The following DACH1 variants were observed in gnomAD, a reference collection of about 807,000 sequenced individuals.
DACH1 encodes the protein dachshund family transcription factor 1.
A neutral mutation model predicts 54.2 loss-of-function variants in DACH1; 12 were observed. The ratio of observed to expected loss-of-function variants is 0.22; its 90% confidence interval spans 0.14 to 0.36. The LOEUF (loss-of-function observed/expected upper bound fraction) is 0.36. DACH1 is among the 10% of genes least tolerant of loss of function. DACH1 has a pLI of 1.00. For missense variants in DACH1, 805 were observed against 929.8 expected (o/e 0.87, Z 1.75); for synonymous variants, 386 against 366.2 (o/e 1.05, Z -0.62).
chr13:71,573,074 C>G, intron 3 of DACH1, 62 bp from the exon 4 acceptor site: 12 of 1,495,086 alleles, frequency 8.0e-6, no homozygotes, highest in Non-Finnish European at 9.0e-6. Context: ...AAAATTGAAA[C>G]AGTCAAAAGT....
chr13:71,779,180 C>CAT (rs1318576879), intron 1 of DACH1, among the ~76,000 whole-genome samples: 1 of 127,706 alleles, frequency 7.8e-6, no homozygotes, highest in South Asian at 2.4e-4. Flanking sequence ...TATATATACA[C>CAT]ATATATACGT....
chr13:71,824,497 C>T (rs891059651), intron 1 of DACH1, among the ~76,000 whole-genome samples: 1 of 151,892 alleles, frequency 6.6e-6, no homozygotes, highest in African/African-American at 2.4e-5. Flanking sequence ...GAGTAATAAT[C>T]ACCCAGCACA....
chr13:71,618,102 G>A (rs754373198), intron 3 of DACH1, among the ~76,000 whole-genome samples: 7 of 152,004 alleles, frequency 4.6e-5, no homozygotes, highest in African/African-American at 7.2e-5. Flanking sequence ...GTTTGGAAGG[G>A]CAAGGAGGAA....
intron 3 of DACH1, among the ~76,000 whole-genome samples, chr13:71,602,801 T>G (rs921510951): frequency 1.3e-5 from 2 of 151,958 alleles, no homozygotes; most frequent in Non-Finnish European, 2.9e-5. Context: ...GGTAGTGATT[T>G]CTAATTAATA....
At chr13:71,481,264 T>C (rs1878006779) in intron 7 of DACH1, among the ~76,000 whole-genome samples, 1 of 152,228 alleles carries the variant, frequency 6.6e-6, no homozygotes, top group South Asian at 2.1e-4. Flanking sequence ...AATGTGTTGA[T>C]TGGTTGTATT....
At chr13:71,741,205 G>A (rs1221852900) in intron 1 of DACH1, among the ~76,000 whole-genome samples, 4 of 152,190 alleles carry the variant, frequency 2.6e-5, no homozygotes, top group East Asian at 1.9e-4. Flanking sequence ...TACTCATGGC[G>A]TATTTGGCAA....
chr13:71,567,779 C>T (rs1884979413), intron 4 of DACH1, among the ~76,000 whole-genome samples: 1 of 151,944 alleles, frequency 6.6e-6, no homozygotes, highest in South Asian at 2.1e-4. Flanking sequence ...TTTTTCAGAA[C>T]ACATGCCTTA....
At chr13:71,485,566 T>A (rs1878422750) in intron 7 of DACH1, among the ~76,000 whole-genome samples, 1 of 143,120 alleles carries the variant, frequency 7.0e-6, no homozygotes, top group African/African-American at 2.5e-5. Flanking sequence ...TTATAACTTT[T>A]CTTTTCTTCT....
intron 2 of DACH1, among the ~76,000 whole-genome samples, 200 bp from the exon 3 acceptor site, chr13:71,630,917 A>G (rs1877054856): frequency 1.3e-5 from 2 of 152,178 alleles, no homozygotes; most frequent in South Asian, 4.1e-4. Flanking sequence ...TACAGTCCAA[A>G]ATTAAATATT....
chr13:71,718,841 GT>G (rs903140401), intron 1 of DACH1, among the ~76,000 whole-genome samples: 1 of 152,010 alleles, frequency 6.6e-6, no homozygotes, highest in African/African-American at 2.4e-5. Context: ...CATTAATTAG[GT>G]GCATATTTCC....
chr13:71,546,037 T>C (rs1405823744), intron 6 of DACH1, among the ~76,000 whole-genome samples: 1 of 152,096 alleles, frequency 6.6e-6, no homozygotes, highest in East Asian at 1.9e-4. Flanking sequence ...GGGAATTCCC[T>C]TTAGGTAGTG....
chr13:71,504,780 G>A (rs139936855), intron 6 of DACH1, among the ~76,000 whole-genome samples: 183 of 152,190 alleles, frequency 1.2e-3, no homozygotes, highest in Middle Eastern at 6.8e-3. Context: ...TGTATATCAA[G>A]CTACCATTAT....
intron 4 of DACH1, among the ~76,000 whole-genome samples, chr13:71,562,789 A>G (rs1461793769): frequency 6.6e-6 from 1 of 152,126 alleles, no homozygotes; most frequent in African/African-American, 2.4e-5. Context: ...TAAACTATAA[A>G]GAAGTTTCAA....
chr13:71,709,414 G>A (rs1882605346), intron 1 of DACH1, among the ~76,000 whole-genome samples: 1 of 151,870 alleles, frequency 6.6e-6, no homozygotes, highest in African/African-American at 2.4e-5. Context: ...TCTGAATACT[G>A]TGATAAAATC....
rs1400525741 is a variant in DACH1, at chr13:71,496,311, AC to A, written c.1571-7164del. 1.5e-3 allele frequency among the ~76,000 whole-genome samples: 203 copies of A among 137,246 alleles called. 2 individuals are homozygous for A. The highest frequency in any genetic ancestry group is 5.3e-3 in the African/African-American group (195 of 36,774). The allele number at this position is 137,246 out of a possible 152,430, so 90.0% of individuals were successfully genotyped here. A position where few individuals can be genotyped will look rare whatever the true frequency, so the allele number is the denominator to read the frequency against. On this transcript the variant is annotated intron_variant, in intron 6 of 10. Transcript: ENST00000613252. Reference sequence around the variant, plus strand: ...TATATATATATATATATATATACACACACAAAAAGATATGCAACATATATAT... The same window carrying A: ...TATATATATATATATATATATACACAACAAAAAGATATGCAACATATATAT...
At chr13:71,587,155 T>C (rs933705114) in intron 3 of DACH1, among the ~76,000 whole-genome samples, 5 of 152,124 alleles carry the variant, frequency 3.3e-5, no homozygotes, top group South Asian at 4.1e-4. Context: ...GTATAAAATA[T>C]AGTTTGTGTT....
intron 6 of DACH1, among the ~76,000 whole-genome samples, chr13:71,528,716 A>C (rs1882194127): frequency 6.6e-6 from 1 of 152,012 alleles, no homozygotes; most frequent in African/African-American, 2.4e-5. Context: ...TCCCTTCATG[A>C]TAGTTGTGTC....
chr13:71,775,243 T>G (rs991611516), intron 1 of DACH1, among the ~76,000 whole-genome samples: 3 of 146,288 alleles, frequency 2.1e-5, no homozygotes, highest in Non-Finnish European at 4.5e-5. Flanking sequence ...CTTGAGGCTA[T>G]AGTGAGCCAT....
intron 1 of DACH1, among the ~76,000 whole-genome samples, chr13:71,854,124 T>C (rs1873847006): frequency 6.6e-6 from 1 of 152,146 alleles, no homozygotes; most frequent in South Asian, 2.1e-4. Context: ...TTAATTTTAT[T>C]TCCTAAGCTT....
Sources: gnomAD v4.1 joint callset for allele counts (sites outside exome capture counted in the v4.1 genomes callset) on GRCh38, gnomAD v4.1.1 for gene constraint, MANE v1.5 for transcripts, NCBI Gene and HGNC (gene_info 2026-07-23, HGNC 2026-07-21) for gene names.